The following FREM2 variants were observed in gnomAD, a reference collection of about 807,000 sequenced individuals.
FREM2 encodes the protein FRAS1-related extracellular matrix protein 2.
FREM2 carries 119 observed loss-of-function variants against 219.9 expected under a neutral mutation model. The ratio of observed to expected loss-of-function variants is 0.54; its 90% confidence interval spans 0.47 to 0.63. The LOEUF is 0.63. FREM2 is among the 30% of genes least tolerant of loss of function. The probability of loss-of-function intolerance (pLI) is 0.00; values close to 1 mark genes in which losing one functional copy is unlikely to be tolerated. For missense variants in FREM2, 4,030 were observed against 3,993.6 expected, an observed-to-expected ratio of 1.01 and a Z score of -0.25; for synonymous variants, 1,562 against 1,522.8, an observed-to-expected ratio of 1.03 and a Z score of -0.60.
chr13:38,846,508 T>C, intron 6 of FREM2, 65 bp from the exon 7 acceptor site: 2 of 1,538,218 alleles, frequency 1.3e-6, no homozygotes, highest in East Asian at 2.3e-5. Flanking sequence ...TTTGGAAGCA[T>C]GTCAATAGAG....
intron 6 of FREM2, among the ~76,000 whole-genome samples, chr13:38,799,221 C>G (rs975930504): frequency 1.9e-4 from 29 of 151,738 alleles, no homozygotes; most frequent in African/African-American, 6.8e-4. Flanking sequence ...TTTTTCCTTG[C>G]AATAGTCATT....
At chr13:38,849,532 A>T (rs1000781818) in intron 8 of FREM2, among the ~76,000 whole-genome samples, 2 of 152,182 alleles carry the variant, frequency 1.3e-5, no homozygotes, top group Admixed American at 6.5e-5. Flanking sequence ...GGGAATTCTG[A>T]ACACTCTTCA....
In FREM2 at chr13:38,848,564, G is replaced by T. The variant is rs769687764; in HGVS notation, c.6273G>T (p.Ala2091=). The change falls in exon 8 of 24, where the codon GCG becomes GCT. Residue 2091 remains alanine (A), a synonymous_variant. Coordinates refer to ENST00000280481, the MANE Select transcript of FREM2 (RefSeq NM_207361.6). ...VVILDDLGQP[A]LEGIEKFELV... The stretch of plus-strand genomic sequence containing the variant: ...TTCTGGATGACCTTGGACAACCAGC[G>T]CTGGAGGGAATTGAGAAATTTGAAC... The T allele has an allele frequency of 6.2e-7, 1 of 1,614,050 alleles. No homozygotes were observed. The highest frequency in any genetic ancestry group is 8.5e-7 in the Non-Finnish European group (1 of 1,179,952).
intron 2 of FREM2, among the ~76,000 whole-genome samples, chr13:38,700,744 G>A (rs1452336623): frequency 6.6e-6 from 1 of 151,992 alleles, no homozygotes; most frequent in East Asian, 1.9e-4. Flanking sequence ...TCAGTAATAA[G>A]CGATAACTTC....
intron 2 of FREM2, among the ~76,000 whole-genome samples, chr13:38,725,231 T>C (rs1054373459): frequency 1.3e-5 from 2 of 152,220 alleles, no homozygotes; most frequent in Non-Finnish European, 2.9e-5. Context: ...TCAAGTACAG[T>C]TCTAGGTGCA....
Position 38,874,506 on chromosome 13 carries a change from G to A in FREM2, c.8201G>A (p.Arg2734His), listed in dbSNP as rs778134271. Residue 2734 changes from arginine (R) to histidine (H), a missense_variant, in exon 18 of 24, where the codon CGC becomes CAC. Around this residue, in one of 2 missense-constraint regions of FREM2, gnomAD observed 928 missense variants for 1,042.9 expected, o/e 0.89. Coordinates refer to ENST00000280481, the MANE Select transcript of FREM2 (RefSeq NM_207361.6). ...LQGSLYPTSM[R>H]IGDEGRLAVH... is the part of the protein sequence containing the mutation. ...GGTTCTCTCTATCCAACCAGCATGCGCATCGGTGATGAGGGGCGCTTGGCC... is the reference window on the plus strand; with the variant it reads ...GGTTCTCTCTATCCAACCAGCATGCACATCGGTGATGAGGGGCGCTTGGCC... The A allele has an allele frequency of 5.0e-6, 8 of 1,613,932 alleles. No individual in the cohort carries two copies. Among genetic ancestry groups the A allele is most frequent in the Admixed American group, 1.7e-5 (1 of 60,026 alleles).
chr13:38,876,524 G>A, intron 20 of FREM2, 142 bp downstream of exon 20: 2 of 752,320 alleles, frequency 2.7e-6, no homozygotes, highest in East Asian at 5.3e-5. Context: ...AGTTAAGGAA[G>A]CTAGGGATAA....
At chr13:38,827,170 T>G (rs1417425281) in intron 6 of FREM2, among the ~76,000 whole-genome samples, 1 of 152,128 alleles carries the variant, frequency 6.6e-6, no homozygotes, top group Non-Finnish European at 1.5e-5. Flanking sequence ...GAATCCTCCT[T>G]ATACCACATT....
intron 6 of FREM2, among the ~76,000 whole-genome samples, chr13:38,825,320 A>C (rs1876238916): frequency 6.6e-6 from 1 of 152,036 alleles, no homozygotes; most frequent in Non-Finnish European, 1.5e-5. Context: ...TTGGTGGTTA[A>C]ATGTATGCAG....
rs546732114 is a variant in FREM2 at position 38,692,334 on chromosome 13, G to C, written c.4990G>C (p.Ala1664Pro). 1 of 1,604,148 alleles carries C rather than the reference G, an allele frequency of 6.2e-7. No individual in the cohort carries two copies. Among genetic ancestry groups the C allele is most frequent in the Non-Finnish European group, 8.5e-7 (1 of 1,174,848 alleles). The part of the protein sequence containing the change: ...SVPQIAVNKG[A>P]STLRTLATGH... ...CCCCCAAATCGCAGTGAATAAGGGGGCCTCTACACTTCGCACTCTAGCCAC... is the reference window on the plus strand; with the variant it reads ...CCCCCAAATCGCAGTGAATAAGGGGCCCTCTACACTTCGCACTCTAGCCAC... Residue 1664 changes from alanine (A) to proline (P), a missense_variant, in exon 1 of 24, where the codon GCC becomes CCC. By Grantham distance (27) the Ala-to-Pro change is conservative (BLOSUM62 -1). Around this residue, in one of 2 missense-constraint regions of FREM2, gnomAD observed 3,102 missense variants for 2,950.7 expected, o/e 1.05. Transcript: ENST00000280481.
chr13:38,796,275 C>G (rs1257024653), intron 6 of FREM2, among the ~76,000 whole-genome samples: 2 of 152,076 alleles, frequency 1.3e-5, no homozygotes, highest in Non-Finnish European at 1.5e-5. Flanking sequence ...GTGGCTACTT[C>G]CAGAGCAATT....
Position 38,687,080 on chromosome 13 carries a change from A to G in FREM2, c.-265A>G. 2 of 572,960 alleles carry G rather than the reference A, an allele frequency of 3.5e-6. No individual in the cohort carries two copies. Among genetic ancestry groups the G allele is most frequent in the Non-Finnish European group, 3.1e-6 (1 of 321,856 alleles). 35.5% of individuals were successfully genotyped at this position (572,960 alleles called of 1,614,324 possible). A position where few individuals can be genotyped will look rare whatever the true frequency, so the allele number is the denominator to read the frequency against. On this transcript the variant is annotated 5_prime_UTR_variant, in exon 1 of 24. Coordinates refer to ENST00000280481, the MANE Select transcript of FREM2 (RefSeq NM_207361.6). The stretch of plus-strand genomic sequence containing the variant: ...AGGGTCCGGGGACCTGGAAAGTAGA[A>G]GTGGAGGGATTCAATTCTCCGCGCG...
At chr13:38,851,936 T>A in intron 11 of FREM2, 68 bp downstream of exon 11, 1 of 1,393,192 alleles carries the variant, frequency 7.2e-7, no homozygotes, top group Non-Finnish European at 1.0e-6. Flanking sequence ...CCAGTGCCCT[T>A]AAGGAAAAGA....
intron 2 of FREM2, among the ~76,000 whole-genome samples, chr13:38,703,659 C>T (rs921137243): frequency 6.6e-6 from 1 of 152,100 alleles, no homozygotes; most frequent in East Asian, 1.9e-4. Flanking sequence ...AAAGTATAAA[C>T]TCAAGTTTTT....
At chr13:38,773,726 CTCT>C (rs910971228) in intron 4 of FREM2, among the ~76,000 whole-genome samples, 3 of 152,040 alleles carry the variant, frequency 2.0e-5, no homozygotes, top group Non-Finnish European at 2.9e-5. Flanking sequence ...CACACACAGC[CTCT>C]TCTTGCTTTT....
Position 38,856,243 on chromosome 13 carries a change from T to G in FREM2, c.7043T>G (p.Ile2348Arg). Reference sequence around the variant, plus strand: ...CACCTAAAACCTGATGAAAATATGATAGCAGAGATGCAGGTAAGTAATGTA... The same window carrying G: ...CACCTAAAACCTGATGAAAATATGAGAGCAGAGATGCAGGTAAGTAATGTA... Reference protein sequence around the residue: ...TVHLKPDENMIAEMQLTKAIV... With the variant: ...TVHLKPDENMRAEMQLTKAIV... The change falls in exon 12 of 24, where the codon ATA becomes AGA. Residue 2348 changes from isoleucine (I) to arginine (R), a missense_variant. Ile to Arg is a moderately conservative substitution (Grantham distance 97, BLOSUM62 -3). This residue lies in a region of FREM2 where 928 missense variants were observed against 1,042.9 expected (regional missense o/e 0.89). Coordinates refer to ENST00000280481, the MANE Select transcript of FREM2 (RefSeq NM_207361.6). 6.2e-7 allele frequency: 1 copy of G among 1,612,332 alleles called. No homozygotes were observed. The highest frequency in any genetic ancestry group is 8.5e-7 in the Non-Finnish European group (1 of 1,178,716).
chr13:38,713,694 G>A (rs1870871491), intron 2 of FREM2, among the ~76,000 whole-genome samples: 1 of 152,134 alleles, frequency 6.6e-6, no homozygotes, highest in South Asian at 2.1e-4. Context: ...CTTCCCCAAA[G>A]TATAATTTCA....
intron 6 of FREM2, among the ~76,000 whole-genome samples, chr13:38,818,715 C>T (rs1384631198): frequency 1.3e-5 from 2 of 152,016 alleles, no homozygotes; most frequent in Admixed American, 1.3e-4. Flanking sequence ...GTAATCCCAG[C>T]ACTTTGGGAG....
In FREM2 at chr13:38,689,092, C is replaced by T; in HGVS notation, c.1748C>T (p.Ser583Phe). Residue 583 changes from serine (S) to phenylalanine (F), a missense_variant, in exon 1 of 24, where the codon TCC (serine) becomes TTC (phenylalanine). Ser to Phe is a radical substitution (Grantham distance 155, BLOSUM62 -2). Transcript: ENST00000280481. ...EGETVPILPLSLSATDMDSDD... is the reference protein window; with the variant it reads ...EGETVPILPLFLSATDMDSDD... ...GAAACAGTGCCCATCCTGCCCCTTT[C>T]CCTGAGTGCAACTGACATGGATTCA... 6.2e-7 allele frequency: 1 copy of T among 1,613,988 alleles called. No homozygotes were observed. The highest frequency in any genetic ancestry group is 8.5e-7 in the Non-Finnish European group (1 of 1,180,018).
Sources: allele counts gnomAD v4.1 joint callset (sites outside exome capture counted in the v4.1 genomes callset), GRCh38; gene constraint gnomAD v4.1.1; regional missense constraint gnomAD v4.1.1; transcripts MANE v1.5; gene names NCBI Gene and HGNC (gene_info 2026-07-23, HGNC 2026-07-21).